The following FNIP1 variants were observed in gnomAD, a reference collection of about 807,000 sequenced individuals.
FNIP1 encodes folliculin-interacting protein 1.
A neutral mutation model predicts 124.5 loss-of-function variants in FNIP1; 40 were observed. That is an observed-to-expected ratio of 0.32 (90% confidence interval 0.25 to 0.42). The LOEUF (loss-of-function observed/expected upper bound fraction) is 0.42, where lower values mean the gene tolerates loss of function less well. Ranked by LOEUF, FNIP1 falls within the 10% of genes least tolerant of loss-of-function variation. The probability of loss-of-function intolerance (pLI) is 1.00; values close to 1 mark genes in which losing one functional copy is unlikely to be tolerated. For missense variants in FNIP1, 1,176 were observed against 1,403.7 expected (o/e 0.84, Z 2.59); for synonymous variants, 472 against 470.6 (o/e 1.00, Z -0.04).
rs375191651 is a variant in FNIP1 at position 131,744,621 on chromosome 5, C to T, written c.162G>A (p.Gly54=). 2.5e-5 allele frequency: 41 copies of T among 1,612,064 alleles called. No individual in the cohort carries two copies. The highest frequency in any genetic ancestry group is 3.5e-5 in the Non-Finnish European group (41 of 1,179,068). ...CACTGGAGTCAAACAAAACATTTCTCCCTCGTCTTTCACAGTCTTGATATA... is the reference window on the plus strand; with the variant it reads ...CACTGGAGTCAAACAAAACATTTCTTCCTCGTCTTTCACAGTCTTGATATA... ...LIVYQDCERR[G]RNVLFDSSVK... The change falls in exon 2 of 18, where the codon GGG becomes GGA. Residue 54 remains glycine, a synonymous_variant. Transcript: ENST00000510461.
intron 16 of FNIP1, among the ~76,000 whole-genome samples, chr5:131,648,761 GCTCATCATCTCAAACAAAAACTCTGTA>G (rs1766962843): frequency 6.6e-6 from 1 of 152,062 alleles, no homozygotes; most frequent in African/African-American, 2.4e-5. Context: ...AAAACTCTGT[GCTCATCATCTCAAACAAAAACTCTGTA>G]CTCATTAAAC....
In FNIP1 at chr5:131,706,438, CTTG is replaced by C; in HGVS notation, c.884_886del (p.Thr295del). 1.2e-6 allele frequency: 2 copies of C among 1,612,946 alleles called. No homozygotes were observed. The highest frequency in any genetic ancestry group is 1.7e-6 in the Non-Finnish European group (2 of 1,179,434). On this transcript the variant is annotated inframe_deletion, in exon 9 of 18. Coordinates refer to ENST00000510461, the MANE Select transcript of FNIP1 (RefSeq NM_133372.3). Reference sequence around the variant, plus strand: ...TCTAGGAAATACCCCATTTTCCAAACTTGTTGTTTGGCTGCGTCGCCAACGTCG... The same window carrying C: ...TCTAGGAAATACCCCATTTTCCAAACTTGTTTGGCTGCGTCGCCAACGTCG...
chr5:131,730,983 G>A lies in FNIP1; in HGVS notation c.275C>T (p.Pro92Leu), dbSNP rs1302484952. Reference protein sequence around the residue: ...KVFGKCCQLKPGGDSSSSLDS... With the variant: ...KVFGKCCQLKLGGDSSSSLDS... Reference sequence around the variant, plus strand: ...TAAAGAGGAAGAACTGTCTCCTCCAGGTTTCAGTTGGCAGCATTTCCCAAA... The same window carrying A: ...TAAAGAGGAAGAACTGTCTCCTCCAAGTTTCAGTTGGCAGCATTTCCCAAA... The change falls in exon 3 of 18, where the codon CCT becomes CTT. Residue 92 changes from proline to leucine, a missense_variant. Pro to Leu is a moderately conservative substitution (Grantham distance 98). Around this residue, in one of 2 missense-constraint regions of FNIP1, gnomAD observed 1,109 missense variants for 1,288.5 expected, o/e 0.86. Coordinates refer to ENST00000510461, the MANE Select transcript of FNIP1 (RefSeq NM_133372.3). The A allele has an allele frequency of 1.2e-6, 2 of 1,612,986 alleles. No individual in the cohort carries two copies. Among genetic ancestry groups the A allele is most frequent in the African/African-American group, 1.3e-5 (1 of 74,884 alleles).
chr5:131,661,493 C>T (rs1176764818), intron 15 of FNIP1, among the ~76,000 whole-genome samples: 5 of 152,040 alleles, frequency 3.3e-5, no homozygotes, highest in African/African-American at 1.2e-4. Flanking sequence ...AAAGATTGAG[C>T]CTTGATAAGT....
intron 17 of FNIP1, 40 bp downstream of exon 17, chr5:131,647,050 G>C: frequency 6.4e-7 from 1 of 1,551,586 alleles, no homozygotes; most frequent in Non-Finnish European, 8.9e-7. Context: ...CTGATGACAG[G>C]GCAATGAAAG....
intron 1 of FNIP1, among the ~76,000 whole-genome samples, chr5:131,787,646 G>A (rs1296616803): frequency 6.6e-6 from 1 of 152,192 alleles, no homozygotes; most frequent in African/African-American, 2.4e-5. Flanking sequence ...CCTCATCAAT[G>A]AAACAGGGAT....
intron 1 of FNIP1, among the ~76,000 whole-genome samples, chr5:131,751,767 G>C (rs1017484516): frequency 6.6e-6 from 1 of 152,164 alleles, no homozygotes; most frequent in Non-Finnish European, 1.5e-5. Flanking sequence ...AAAAGGCTAC[G>C]TATGATGATT....
At chr5:131,713,184 C>G (rs1769356082) in intron 6 of FNIP1, among the ~76,000 whole-genome samples, 1 of 152,124 alleles carries the variant, frequency 6.6e-6, no homozygotes, top group Non-Finnish European at 1.5e-5. Flanking sequence ...GCTGGGACTA[C>G]AGGCGCCCGC....
chr5:131,666,646 CAAT>C (rs2149512411), intron 15 of FNIP1, among the ~76,000 whole-genome samples: 1 of 152,144 alleles, frequency 6.6e-6, no homozygotes, highest in Non-Finnish European at 1.5e-5. Context: ...ACAAAGATAA[CAAT>C]AATAAGTACC....
intron 1 of FNIP1, among the ~76,000 whole-genome samples, chr5:131,748,711 A>AGG (rs1561688296): frequency 8.0e-6 from 1 of 125,716 alleles, no homozygotes; most frequent in African/African-American, 3.2e-5. Context: ...AAAAAAAAGA[A>AGG]AAAAAAAAAA....
rs1166125535 is a variant in FNIP1 at position 131,719,166 on chromosome 5, G to T, written c.456-106C>A. The T allele has an allele frequency of 5.1e-6, 6 of 1,184,852 alleles. No individual in the cohort carries two copies. In the East Asian group the frequency reaches 1.2e-4, roughly 24 times the overall value. 73.4% of individuals were successfully genotyped at this position (1,184,852 alleles called of 1,614,324 possible). On this transcript the variant is annotated intron_variant, in intron 4 of 17. Coordinates refer to ENST00000510461, the MANE Select transcript of FNIP1 (RefSeq NM_133372.3). ...GTCACAGAGGTTTCACAGCATAGCT[G>T]CAAGAGCCATGAAGTAGCATTAAAA...
At chr5:131,783,537 T>A (rs1379639764) in intron 1 of FNIP1, among the ~76,000 whole-genome samples, 1 of 151,386 alleles carries the variant, frequency 6.6e-6, no homozygotes, top group Non-Finnish European at 1.5e-5. Context: ...AGTGATGCAA[T>A]CTAAGAAATC....
At chr5:131,650,930 T>G (rs887791771) in intron 16 of FNIP1, among the ~76,000 whole-genome samples, 16 of 152,176 alleles carry the variant, frequency 1.1e-4, no homozygotes, top group Non-Finnish European at 2.2e-4. Context: ...GGATCCAGAA[T>G]GTACTGGCAT....
intron 15 of FNIP1, among the ~76,000 whole-genome samples, chr5:131,653,508 TA>T (rs1331450357): frequency 1.3e-5 from 2 of 151,032 alleles, no homozygotes; most frequent in Non-Finnish European, 2.9e-5. Flanking sequence ...CATTGCACTC[TA>T]GCCTGGGCAA....
intron 2 of FNIP1, among the ~76,000 whole-genome samples, chr5:131,735,149 G>A (rs1770245244): frequency 6.6e-6 from 1 of 152,160 alleles, no homozygotes; most frequent in Admixed American, 6.5e-5. Flanking sequence ...ATGAGTTCAT[G>A]TCCTTTGTAG....
At chr5:131,737,755 C>A (rs945489381) in intron 2 of FNIP1, among the ~76,000 whole-genome samples, 4 of 152,126 alleles carry the variant, frequency 2.6e-5, no homozygotes, top group Non-Finnish European at 2.9e-5. Flanking sequence ...ATTAGACATA[C>A]TTGGAATACA....
intron 16 of FNIP1, among the ~76,000 whole-genome samples, chr5:131,648,292 C>T (rs1766950367): frequency 6.7e-6 from 1 of 150,292 alleles, no homozygotes; most frequent in South Asian, 2.1e-4. Context: ...TGCAATTCAG[C>T]CTGGGTGACA....
At chr5:131,686,167 T>C (rs1768266361) in intron 11 of FNIP1, among the ~76,000 whole-genome samples, 1 of 152,190 alleles carries the variant, frequency 6.6e-6, no homozygotes, top group Non-Finnish European at 1.5e-5. Context: ...CGTTTGCATA[T>C]ATAATCACTC....
At position 131,744,664 on chromosome 5, in the gene FNIP1, C is replaced by T; in HGVS notation, c.119G>A (p.Ser40Asn). The T allele has an allele frequency of 1.2e-6, 2 of 1,609,272 alleles. No homozygotes were observed. Among genetic ancestry groups the T allele is most frequent in the Middle Eastern group, 1.7e-4 (1 of 6,044 alleles). Residue 40 changes from serine to asparagine, a missense_variant, in exon 2 of 18, where the codon AGC becomes AAC. Transcript: ENST00000510461. ...FSWPLPEFDPSQIRLIVYQDC... is the reference protein window; with the variant it reads ...FSWPLPEFDPNQIRLIVYQDC... ...TTGATATACAATCAGTCGAATCTGGCTTGGATCAAACTCTGGTAAAGGCCA... is the reference window on the plus strand; with the variant it reads ...TTGATATACAATCAGTCGAATCTGGTTTGGATCAAACTCTGGTAAAGGCCA...
Sources: allele counts gnomAD v4.1 joint callset (sites outside exome capture counted in the v4.1 genomes callset), GRCh38; gene constraint gnomAD v4.1.1; regional missense constraint gnomAD v4.1.1; transcripts MANE v1.5; gene names NCBI Gene and HGNC (gene_info 2026-07-23, HGNC 2026-07-21).